The following PRR5L variants were observed in gnomAD, a reference collection of about 807,000 sequenced individuals.
PRR5L encodes proline rich 5 like.
In PRR5L, 21 loss-of-function variants were observed where a neutral mutation model predicts 36.4. The ratio of observed to expected loss-of-function variants is 0.58; its 90% CI spans 0.41 to 0.83. The LOEUF (loss-of-function observed/expected upper bound fraction) is 0.83, where lower values mean the gene tolerates loss of function less well. Ranked by LOEUF, PRR5L falls within the 40% of genes least tolerant of loss-of-function variation. The pLI is 0.00. For missense variants in PRR5L, 381 were observed against 473.3 expected (o/e 0.80, Z 1.81); for synonymous variants, 188 against 197.0 (o/e 0.95, Z 0.38).
rs1859189271 is a variant in PRR5L, at chr11:36,461,865, G to T, written c.713-477G>T. Among the ~76,000 whole-genome samples, 3 of 152,134 alleles carry T rather than the reference G, an allele frequency of 2.0e-5. No individual in the cohort carries two copies. The South Asian group carries it at 6.2e-4, about 32-fold the overall frequency. ...TCCTGCTACCTTGGGTTTGACAACT[G>T]AGGTAACTCCCCAGTTATCTCTTCC... On this transcript the variant is annotated intron_variant, in intron 8 of 8. Transcript: ENST00000530639.
intron 1 of PRR5L, among the ~76,000 whole-genome samples, chr11:36,374,101 CCTTCCT>C (rs746476926): frequency 5.6e-5 from 5 of 89,938 alleles, no homozygotes; most frequent in Non-Finnish European, 6.3e-5. Flanking sequence ...TTCCTTCCTT[CCTTCCT>C]CTCTCTCTCT....
chr11:36,445,319 C>G (rs1858805941), intron 6 of PRR5L, among the ~76,000 whole-genome samples: 1 of 152,134 alleles, frequency 6.6e-6, no homozygotes. Flanking sequence ...AAAATTCACC[C>G]TCTTTTCTCT....
chr11:36,300,572 G>A (rs1323717484), intron 1 of PRR5L, among the ~76,000 whole-genome samples: 3 of 134,392 alleles, frequency 2.2e-5, no homozygotes, highest in African/African-American at 7.5e-5. Flanking sequence ...AGGCAGAAGG[G>A]GCCATATCAT....
chr11:36,430,233 A>C (rs892802264), intron 4 of PRR5L, among the ~76,000 whole-genome samples: 2 of 152,080 alleles, frequency 1.3e-5, no homozygotes, highest in Admixed American at 6.5e-5. Context: ...AACATGGTGA[A>C]ACCCCGTCTC....
chr11:36,462,979 A>T lies in PRR5L; in HGVS notation c.*243A>T. 2.5e-6 allele frequency: 1 copy of T among 403,950 alleles called. No homozygotes were observed. Among genetic ancestry groups the T allele is most frequent in the Non-Finnish European group, 4.4e-6 (1 of 229,006 alleles). The allele number at this position is 403,950 out of a possible 1,614,324, so 25.0% of individuals were successfully genotyped here. ...CCAGTTGCCTAATGGTCACTTTCTGACTCCAGCCTTGCCAGCCTGACTCAG... is the reference window on the plus strand; with the variant it reads ...CCAGTTGCCTAATGGTCACTTTCTGTCTCCAGCCTTGCCAGCCTGACTCAG... On this transcript the variant is annotated 3_prime_UTR_variant, in exon 9 of 9. Coordinates refer to ENST00000530639, the MANE Select transcript of PRR5L (RefSeq NM_001160167.2).
At chr11:36,371,469 T>C (rs747988371) in intron 1 of PRR5L, among the ~76,000 whole-genome samples, 4 of 152,234 alleles carry the variant, frequency 2.6e-5, no homozygotes, top group Non-Finnish European at 4.4e-5. Flanking sequence ...TTACCTGAGC[T>C]CTGAGGACCT....
chr11:36,407,115 G>A (rs767050194), intron 3 of PRR5L, among the ~76,000 whole-genome samples: 1 of 152,170 alleles, frequency 6.6e-6, no homozygotes, highest in Non-Finnish European at 1.5e-5. Flanking sequence ...TTAAGAAATA[G>A]TAAAGTGATA....
At chr11:36,372,247 G>A (rs548720241) in intron 1 of PRR5L, among the ~76,000 whole-genome samples, 10 of 152,170 alleles carry the variant, frequency 6.6e-5, no homozygotes, top group African/African-American at 2.4e-4. Context: ...CCTGAACTTG[G>A]TCTGGTTAGG....
At chr11:36,413,964 T>C (rs1209019115) in intron 3 of PRR5L, among the ~76,000 whole-genome samples, 1 of 148,716 alleles carries the variant, frequency 6.7e-6, no homozygotes, top group African/African-American at 2.5e-5. Context: ...CATGCGGTGT[T>C]TGGTTTTTTG....
At chr11:36,341,060 G>T (rs1856812418) in intron 1 of PRR5L, among the ~76,000 whole-genome samples, 1 of 152,134 alleles carries the variant, frequency 6.6e-6, no homozygotes, top group Non-Finnish European at 1.5e-5. Context: ...TTCTCTCCGG[G>T]AAAGGCAGGC....
intron 1 of PRR5L, among the ~76,000 whole-genome samples, chr11:36,315,532 T>C (rs556901832): frequency 6.6e-6 from 1 of 152,362 alleles, no homozygotes; most frequent in African/African-American, 2.4e-5. Context: ...GATATTTCAT[T>C]TGAAAATCTG....
intron 1 of PRR5L, among the ~76,000 whole-genome samples, chr11:36,314,795 C>G (rs1264206166): frequency 6.6e-6 from 1 of 152,306 alleles, no homozygotes; most frequent in Non-Finnish European, 1.5e-5. Context: ...TCCAAATGTC[C>G]ATTCCCCATT....
chr11:36,300,385 C>G (rs1381074874), intron 1 of PRR5L, among the ~76,000 whole-genome samples: 1 of 152,058 alleles, frequency 6.6e-6, no homozygotes, highest in African/African-American at 2.4e-5. Context: ...AGGGTAAGAA[C>G]TCACTCCATT....
intron 8 of PRR5L, among the ~76,000 whole-genome samples, chr11:36,457,322 C>T (rs951215152): frequency 5.9e-5 from 9 of 152,228 alleles, no homozygotes; most frequent in Admixed American, 1.3e-4. Context: ...AAAACATTAT[C>T]GAGGCCGGGC....
At position 36,401,050 on chromosome 11, in the gene PRR5L, T is replaced by G; in HGVS notation, c.-72T>G. ...AGCCTGAGGGCCTGAAGGCAGCCCC[T>G]GGAGAAGCCCTTTCCGAGGGCATTC... is the stretch of plus-strand genomic sequence containing the variant. On this transcript the variant is annotated 5_prime_UTR_variant, in exon 2 of 9. Coordinates refer to ENST00000530639, the MANE Select transcript of PRR5L (RefSeq NM_001160167.2). The G allele has an allele frequency of 6.4e-7, 1 of 1,570,452 alleles. No homozygotes were observed. The highest frequency in any genetic ancestry group is 8.6e-7 in the Non-Finnish European group (1 of 1,156,378).
chr11:36,403,384 T>G lies in PRR5L; in HGVS notation c.245+6T>G. The G allele has an allele frequency of 6.2e-7, 1 of 1,612,700 alleles. No individual in the cohort carries two copies. The highest frequency in any genetic ancestry group is 1.1e-5 in the South Asian group (1 of 91,014). On this transcript the variant is annotated splice_donor_region_variant and intron_variant, in intron 3 of 8. Transcript: ENST00000530639. ...GCCCTGAACGAAAACATCAGGTATG[T>G]GGCAGGCCAGACTTGGTGCCATTTT...
At position 36,388,694 on chromosome 11, in the gene PRR5L, C is replaced by CT. The variant is rs1252535250; in HGVS notation, c.-125-12300dup. Among the ~76,000 whole-genome samples, 105 of 112,816 alleles carry CT rather than the reference C, an allele frequency of 9.3e-4. 6 individuals carry two copies. Among genetic ancestry groups the CT allele is most frequent in the South Asian group, 2.3e-3 (8 of 3,498 alleles). The allele number at this position is 112,816 out of a possible 152,430, so 74.0% of individuals were successfully genotyped here. On this transcript the variant is annotated intron_variant, in intron 1 of 8. Coordinates refer to ENST00000530639, the MANE Select transcript of PRR5L (RefSeq NM_001160167.2). ...TTCTTTCATTCAAGGTCGGCTCTTT[C>CT]TTTCTTTTTTTTTTTTTTTTTTGAG...
chr11:36,452,595 A>T (rs976884315), intron 8 of PRR5L, among the ~76,000 whole-genome samples: 2 of 152,200 alleles, frequency 1.3e-5, no homozygotes, highest in African/African-American at 4.8e-5. Context: ...GAAGGAAAAC[A>T]GTCTTCTGCA....
intron 2 of PRR5L, among the ~76,000 whole-genome samples, chr11:36,402,960 G>A (rs1857829428): frequency 6.6e-6 from 1 of 152,216 alleles, no homozygotes; most frequent in Admixed American, 6.5e-5. Context: ...GCTTCTGCTT[G>A]CAGGAAATGC....
Sources: gnomAD v4.1 joint callset for allele counts (sites outside exome capture counted in the v4.1 genomes callset) on GRCh38, gnomAD v4.1.1 for gene constraint, MANE v1.5 for transcripts, NCBI Gene and HGNC (gene_info 2026-07-23, HGNC 2026-07-21) for gene names.